The following GRIP2 variants were observed in gnomAD, a reference collection of about 807,000 sequenced individuals.
GRIP2 encodes glutamate receptor interacting protein 2.
GRIP2 carries 58 observed loss-of-function variants against 108.3 expected under a neutral mutation model. The ratio of observed to expected loss-of-function variants is 0.54; its 90% confidence interval spans 0.43 to 0.67. The LOEUF is 0.67. Among genes scored for constraint, GRIP2 ranks in the 30% least tolerant of loss-of-function variants. The pLI is 0.00. For synonymous variants in GRIP2, 586 were observed against 598.2 expected, an observed-to-expected ratio of 0.98 and a Z score of 0.30; for missense variants, 1,278 against 1,430.6, an observed-to-expected ratio of 0.89 and a Z score of 1.72.
chr3:14,511,258 G>A lies in GRIP2; in HGVS notation c.1840C>T (p.Leu614=). Residue 614 remains leucine (L), a synonymous_variant, in exon 16 of 24, where the codon CTG becomes TTG. Coordinates refer to ENST00000621039, the MANE Select transcript of GRIP2 (RefSeq NM_001080423.4). This position sits in a 1 kb window ranked among gnomAD's most constrained non-coding sequence, Gnocchi z 4.1. ...GCGTCCTCCATGGGGCAGTTGTCCA[G>A]GCGGATATTGTCAATGGCCAGTAGC... ...DKLLAIDNIR[L]DNCPMEDAVQ... 6.2e-7 allele frequency: 1 copy of A among 1,614,044 alleles called. No homozygotes were observed.
chr3:14,551,737 C>T (rs1276219527), intron 1 of GRIP2, among the ~76,000 whole-genome samples: 2 of 152,148 alleles, frequency 1.3e-5, no homozygotes, highest in African/African-American at 2.4e-5. Context: ...ATAAGCTGAC[C>T]GTGAAGGAAC....
At chr3:14,496,279 T>G in intron 22 of GRIP2, 138 bp downstream of exon 22, 4 of 621,136 alleles carry the variant, frequency 6.4e-6, no homozygotes, top group Non-Finnish European at 1.1e-5. Context: ...ATGATGAGCA[T>G]TTTGGAAAAC....
chr3:14,518,028 T>C (rs951507073), intron 9 of GRIP2, 131 bp from the exon 10 acceptor site: 3 of 1,106,248 alleles, frequency 2.7e-6, no homozygotes, highest in Non-Finnish European at 3.8e-6. Context: ...AGTATTCTGC[T>C]CACATGTCCC....
chr3:14,516,220 A>C (rs898270313), intron 11 of GRIP2, among the ~76,000 whole-genome samples: 24 of 152,104 alleles, frequency 1.6e-4, no homozygotes, highest in African/African-American at 5.8e-4. Flanking sequence ...TCTGACTGAA[A>C]TCTGTTTCCC....
the GRIP2 span, chr3:14,574,668 G>A: frequency 4.7e-6 from 3 of 637,044 alleles, no homozygotes; most frequent in Admixed American, 1.9e-5. Flanking sequence ...CGTGTTTTCC[G>A]CCAGAAAGCT....
At chr3:14,583,150 G>T in the GRIP2 span, among the ~76,000 whole-genome samples, 708 of 152,258 alleles carry the variant, frequency 4.6e-3, 7 homozygotes, top group Non-Finnish European at 8.3e-3. Flanking sequence ...CTCTGGGGGT[G>T]GCAGTTCCAT....
In GRIP2 at chr3:14,523,668, T is replaced by C; in HGVS notation, c.434A>G (p.Lys145Arg). The C allele has an allele frequency of 8.1e-6, 13 of 1,612,032 alleles. No individual in the cohort carries two copies. The highest frequency in any genetic ancestry group is 1.1e-5 in the Non-Finnish European group (13 of 1,179,152). ...APENNPRIIS[K>R]TVDVSLYKEG... is the part of the protein sequence containing the mutation. ...CTTGTAGAGGGAGACGTCCACTGTC[T>C]TTGAAATGATCCTGGGGTTATTCTC... is the stretch of plus-strand genomic sequence containing the variant. Residue 145 changes from lysine (K) to arginine (R), a missense_variant, in exon 5 of 24, where the codon AAG (lysine) becomes AGG (arginine). Physicochemically the swap from Lys to Arg is conservative, Grantham distance 26 (BLOSUM62 2). Transcript: ENST00000621039.
intron 21 of GRIP2, 149 bp from the exon 22 acceptor site, chr3:14,496,709 C>G (rs1693613556): frequency 1.9e-6 from 2 of 1,079,482 alleles, no homozygotes; most frequent in Admixed American, 6.0e-5. Context: ...CTGGGTCCAA[C>G]AGCGGTGGAG....
intron 1 of GRIP2, among the ~76,000 whole-genome samples, chr3:14,527,097 G>C (rs763439924): frequency 1.4e-4 from 21 of 152,146 alleles, no homozygotes; most frequent in Non-Finnish European, 2.9e-4. Flanking sequence ...TGAGGTAGGG[G>C]AATCACTTGA....
chr3:14,548,311 C>T (rs1445777075), intron 1 of GRIP2, among the ~76,000 whole-genome samples: 1 of 152,198 alleles, frequency 6.6e-6, no homozygotes, highest in Non-Finnish European at 1.5e-5. Context: ...GGCACTGTGA[C>T]CGGCCATGTG....
At chr3:14,570,617 C>T in the GRIP2 span, among the ~76,000 whole-genome samples, 5 of 152,304 alleles carry the variant, frequency 3.3e-5, no homozygotes, top group African/African-American at 1.2e-4. Flanking sequence ...TATCTAAGTG[C>T]CTGATCAGTG....
chr3:14,493,610 T>A lies in GRIP2; in HGVS notation c.*55A>T. On this transcript the variant is annotated 3_prime_UTR_variant, in exon 24 of 24. Coordinates refer to ENST00000621039, the MANE Select transcript of GRIP2 (RefSeq NM_001080423.4). ...CGCTTCTCCAGCCCAGCTACGTGTCTGGGAGCCAGGATCTGCCTGGGTGGC... is the reference window on the plus strand; with the variant it reads ...CGCTTCTCCAGCCCAGCTACGTGTCAGGGAGCCAGGATCTGCCTGGGTGGC... The A allele has an allele frequency of 1.3e-6, 2 of 1,502,622 alleles. No individual in the cohort carries two copies. Among genetic ancestry groups the A allele is most frequent in the East Asian group, 4.9e-5 (2 of 40,708 alleles). The allele number at this position is 1,502,622 out of a possible 1,614,324, so 93.1% of individuals were successfully genotyped here.
At chr3:14,590,898 G>A in the GRIP2 span, among the ~76,000 whole-genome samples, 1 of 152,134 alleles carries the variant, frequency 6.6e-6, no homozygotes, top group Non-Finnish European at 1.5e-5. Flanking sequence ...TTTTTTATGT[G>A]AACGTTCTAC....
intron 1 of GRIP2, among the ~76,000 whole-genome samples, chr3:14,527,574 T>TA (rs1694596224): frequency 6.6e-6 from 1 of 152,162 alleles, no homozygotes; most frequent in East Asian, 1.9e-4. Flanking sequence ...TATATTAGTC[T>TA]AACTTATATT....
intron 22 of GRIP2, among the ~76,000 whole-genome samples, 170 bp from the exon 23 acceptor site, chr3:14,495,159 G>A (rs1230314935): frequency 4.7e-5 from 4 of 85,222 alleles, no homozygotes; most frequent in Non-Finnish European, 9.1e-5. Context: ...CCGCCACCCC[G>A]CTCCCTGCCA....
At chr3:14,551,435 C>T (rs1282840983) in intron 1 of GRIP2, among the ~76,000 whole-genome samples, 1 of 152,124 alleles carries the variant, frequency 6.6e-6, no homozygotes, top group Non-Finnish European at 1.5e-5. Context: ...CTCCCCAGGC[C>T]CTGGGCTCCA....
chr3:14,582,270 C>A, the GRIP2 span, among the ~76,000 whole-genome samples: 1 of 152,172 alleles, frequency 6.6e-6, no homozygotes, highest in Non-Finnish European at 1.5e-5. Context: ...TGTTGAGCAC[C>A]TTTTCATGCA....
chr3:14,574,191 C>A, the GRIP2 span: 2 of 879,684 alleles, frequency 2.3e-6, no homozygotes, highest in African/African-American at 1.6e-5. Flanking sequence ...GAAGGTGAGC[C>A]AGTGGGTGAA....
chr3:14,544,681 T>G (rs535023838), upstream of GRIP2, among the ~76,000 whole-genome samples: 54 of 152,222 alleles, frequency 3.5e-4, no homozygotes, highest in African/African-American at 1.3e-3. Context: ...CCTCCGACCC[T>G]CCTCCCTCCA....
Sources: gnomAD v4.1 joint callset for allele counts (sites outside exome capture counted in the v4.1 genomes callset) on GRCh38, gnomAD v4.1.1 for gene constraint, Gnocchi (gnomAD v3.1) non-coding constraint, MANE v1.5 for transcripts, NCBI Gene and HGNC (gene_info 2026-07-23, HGNC 2026-07-21) for gene names.